Variants in OSBPL6 observed in about 807,000 individuals in gnomAD.
OSBPL6 encodes oxysterol binding protein like 6.
Under a neutral mutation model 125.8 loss-of-function variants are expected in OSBPL6, and 49 were observed. The observed-to-expected ratio is 0.39, with a 90% CI of 0.31 to 0.49. The LOEUF (loss-of-function observed/expected upper bound fraction) is 0.49, where lower values mean the gene tolerates loss of function less well. Among genes scored for constraint, OSBPL6 ranks in the 20% least tolerant of loss-of-function variants. The pLI, the probability that OSBPL6 is intolerant of heterozygous loss-of-function variation, is 0.88. For synonymous variants in OSBPL6, 394 were observed against 391.8 expected (o/e 1.01, Z -0.07); for missense variants, 986 against 1,135.4 (o/e 0.87, Z 1.89).
At chr2:178,345,404 G>A (rs1574928345) in intron 11 of OSBPL6, among the ~76,000 whole-genome samples, 1 of 152,206 alleles carries the variant, frequency 6.6e-6, no homozygotes, top group African/African-American at 2.4e-5. Flanking sequence ...TGCCTTATAT[G>A]TGGGTGTTTA....
At chr2:178,359,960 G>A (rs1410782577) in intron 12 of OSBPL6, among the ~76,000 whole-genome samples, 2 of 152,146 alleles carry the variant, frequency 1.3e-5, no homozygotes, top group African/African-American at 4.8e-5. Flanking sequence ...GGTGGTGCCT[G>A]CCTGTAATCC....
intron 1 of OSBPL6, among the ~76,000 whole-genome samples, chr2:178,239,593 T>TTTAC (rs1237986582): frequency 5.4e-5 from 1 of 18,396 alleles, no homozygotes; most frequent in Non-Finnish European, 9.9e-5. Context: ...TGAACTTTAT[T>TTTAC]TTATTTATTT....
At chr2:178,269,138 A>T (rs2092316693) in intron 1 of OSBPL6, among the ~76,000 whole-genome samples, 1 of 152,168 alleles carries the variant, frequency 6.6e-6, no homozygotes, top group Admixed American at 6.5e-5. Context: ...CCAGTTTATT[A>T]TAAAGGATAC....
intron 2 of OSBPL6, among the ~76,000 whole-genome samples, chr2:178,288,648 T>G (rs1684940522): frequency 6.6e-6 from 1 of 152,046 alleles, no homozygotes; most frequent in South Asian, 2.1e-4. Flanking sequence ...GGACTTTTTT[T>G]TTTTTTTTAA....
At chr2:178,343,208 C>T (rs1217953845) in intron 11 of OSBPL6, among the ~76,000 whole-genome samples, 1 of 151,962 alleles carries the variant, frequency 6.6e-6, no homozygotes, top group Non-Finnish European at 1.5e-5. Context: ...GAAAGTATAT[C>T]TTAATTATTT....
At position 178,333,022 on chromosome 2, in the gene OSBPL6, T is replaced by G. The variant is rs779942045; in HGVS notation, c.638T>G (p.Val213Gly). ...STAESSPAAN[V>G]SVMDGKMQPN... ...GCTGAATCCTCACCAGCTGCTAATG[T>G]TTCTGTAATGGATGGAAAGGTATGA... is the stretch of plus-strand genomic sequence containing the variant. The change falls in exon 8 of 25, where the codon GTT (valine) becomes GGT (glycine). Residue 213 changes from valine to glycine, a missense_variant. Physicochemically the swap from Val to Gly is moderately radical, Grantham distance 109. This residue lies in a region of OSBPL6 where 843 missense variants were observed against 997.3 expected (regional missense o/e 0.85). Coordinates refer to ENST00000190611, the MANE Select transcript of OSBPL6 (RefSeq NM_032523.4). 6.2e-7 allele frequency: 1 copy of G among 1,613,890 alleles called. No individual in the cohort carries two copies. Among genetic ancestry groups the G allele is most frequent in the Non-Finnish European group, 8.5e-7 (1 of 1,179,990 alleles).
chr2:178,303,189 A>G (rs577677398), intron 2 of OSBPL6, among the ~76,000 whole-genome samples: 3 of 152,342 alleles, frequency 2.0e-5, no homozygotes, highest in Admixed American at 6.5e-5. Context: ...AACTATCTCT[A>G]GCTCACAGAA....
intron 2 of OSBPL6, among the ~76,000 whole-genome samples, chr2:178,305,706 C>G (rs532035296): frequency 5.9e-5 from 9 of 152,138 alleles, no homozygotes; most frequent in Non-Finnish European, 1.2e-4. Context: ...GGAGAGATTA[C>G]GTTTCCGGAG....
chr2:178,356,250 A>T (rs1691781802), intron 12 of OSBPL6, among the ~76,000 whole-genome samples: 1 of 152,166 alleles, frequency 6.6e-6, no homozygotes, highest in Non-Finnish European at 1.5e-5. Flanking sequence ...CAATCAGGCA[A>T]GAGAAAGAAA....
intron 9 of OSBPL6, among the ~76,000 whole-genome samples, chr2:178,338,420 T>C (rs998839514): frequency 1.3e-5 from 2 of 152,242 alleles, no homozygotes; most frequent in African/African-American, 2.4e-5. Context: ...GTCCAGGTGA[T>C]GATGATATTG....
chr2:178,382,024 G>A (rs987458547), intron 15 of OSBPL6, among the ~76,000 whole-genome samples: 1 of 152,172 alleles, frequency 6.6e-6, no homozygotes, highest in African/African-American at 2.4e-5. Context: ...TGCCCCCTGG[G>A]CAGCCTCTCC....
At chr2:178,301,986 T>C (rs1686336220) in intron 2 of OSBPL6, among the ~76,000 whole-genome samples, 1 of 152,126 alleles carries the variant, frequency 6.6e-6, no homozygotes, top group South Asian at 2.1e-4. Flanking sequence ...AGAAAGACAT[T>C]TGGGGCTTGG....
At chr2:178,220,342 G>A (rs1394540818) in intron 1 of OSBPL6, among the ~76,000 whole-genome samples, 1 of 152,216 alleles carries the variant, frequency 6.6e-6, no homozygotes, top group East Asian at 1.9e-4. Flanking sequence ...TGTCACCTAC[G>A]CTGGAGTGCA....
intron 1 of OSBPL6, among the ~76,000 whole-genome samples, chr2:178,236,219 A>C (rs977430316): frequency 2.6e-5 from 4 of 152,168 alleles, no homozygotes; most frequent in African/African-American, 9.7e-5. Context: ...CTTATATCTT[A>C]ATCCTGAAAA....
At chr2:178,294,025 T>C (rs1398951490) in intron 2 of OSBPL6, among the ~76,000 whole-genome samples, 1 of 152,170 alleles carries the variant, frequency 6.6e-6, no homozygotes, top group African/African-American at 2.4e-5. Context: ...CTTTAGGATC[T>C]AGGACTTGAC....
At chr2:178,272,706 C>T (rs1280486042) in intron 1 of OSBPL6, among the ~76,000 whole-genome samples, 1 of 152,208 alleles carries the variant, frequency 6.6e-6, no homozygotes, top group African/African-American at 2.4e-5. Context: ...TTCAGCAAAA[C>T]TTGTCTGAGT....
At chr2:178,246,221 G>A (rs190433907) in intron 1 of OSBPL6, among the ~76,000 whole-genome samples, 9 of 152,184 alleles carry the variant, frequency 5.9e-5, no homozygotes, top group East Asian at 1.9e-4. Flanking sequence ...TATGAAGGCC[G>A]TTCAATCCTT....
intron 3 of OSBPL6, among the ~76,000 whole-genome samples, chr2:178,313,691 T>TAAA (rs1235755889): frequency 6.6e-6 from 1 of 152,258 alleles, no homozygotes; most frequent in Non-Finnish European, 1.5e-5. Flanking sequence ...GTCCATCTTT[T>TAAA]AACAACTATA....
chr2:178,291,636 G>A (rs921941719), intron 2 of OSBPL6, among the ~76,000 whole-genome samples: 4 of 151,448 alleles, frequency 2.6e-5, no homozygotes, highest in Non-Finnish European at 5.9e-5. Flanking sequence ...GAATGTTAGT[G>A]TTCATAGAAA....
Sources: allele counts gnomAD v4.1 joint callset (sites outside exome capture counted in the v4.1 genomes callset), GRCh38; gene constraint gnomAD v4.1.1; regional missense constraint gnomAD v4.1.1; transcripts MANE v1.5; gene names NCBI Gene and HGNC (gene_info 2026-07-23, HGNC 2026-07-21).